Variants in GPC6 observed in about 807,000 individuals in gnomAD.
The protein encoded by GPC6 is glypican-6.
A neutral mutation model predicts 55.2 loss-of-function variants in GPC6; 14 were observed. The ratio of observed to expected loss-of-function variants is 0.25; its 90% CI spans 0.17 to 0.40. The LOEUF is 0.40. GPC6 is among the 10% of genes least tolerant of loss of function. The pLI is 1.00. For missense variants in GPC6, 641 were observed against 708.5 expected, an observed-to-expected ratio of 0.90 and a Z score of 1.08; for synonymous variants, 278 against 259.6, an observed-to-expected ratio of 1.07 and a Z score of -0.68.
chr13:93,551,696 G>A (rs1337670661), intron 2 of GPC6, among the ~76,000 whole-genome samples: 2 of 152,126 alleles, frequency 1.3e-5, no homozygotes, highest in Non-Finnish European at 2.9e-5. Context: ...GGTGGGGAAA[G>A]GAATGATTAT....
rs138205799 is a variant in GPC6 at position 93,282,238 on chromosome 13, T to C, written c.160+54622T>C. Among the ~76,000 whole-genome samples, 501 of 152,256 alleles carry C rather than the reference T, an allele frequency of 3.3e-3. 3 individuals carry two copies. Among genetic ancestry groups the C allele is most frequent in the African/African-American group, 0.011 (456 of 41,534 alleles). On this transcript the variant is annotated intron_variant, in intron 1 of 8. Coordinates refer to ENST00000377047, the MANE Select transcript of GPC6 (RefSeq NM_005708.5). ...TTTGAAAGCTTTGTGAAGTAGAAGGTGAAAGAAACAAAAATTCCTTTCCCT... is the reference window on the plus strand; with the variant it reads ...TTTGAAAGCTTTGTGAAGTAGAAGGCGAAAGAAACAAAAATTCCTTTCCCT...
In GPC6 at chr13:94,140,119, C is replaced by T. The variant is rs556490152; in HGVS notation, c.877+112225C>T. On this transcript the variant is annotated intron_variant, in intron 4 of 8. Transcript: ENST00000377047. ...TTTGAATGTTAAGAGTCTATTATAC[C>T]GAATAGTATATTACTTCAAGGAATT... 1.5e-4 allele frequency among the ~76,000 whole-genome samples: 23 copies of T among 150,694 alleles called. 1 individual carries two copies. Among genetic ancestry groups the T allele is most frequent in the African/African-American group, 5.4e-4 (22 of 40,982 alleles).
In GPC6 at chr13:93,596,313, G is replaced by T. The variant is rs564112688; in HGVS notation, c.319+50892G>T. ...AGAGGCACATAATATAGGATACAGA[G>T]CAAAGAAGGAATAAGGACCAAGGAG... On this transcript the variant is annotated intron_variant, in intron 2 of 8. Coordinates refer to ENST00000377047, the MANE Select transcript of GPC6 (RefSeq NM_005708.5). Among the ~76,000 whole-genome samples the T allele has an allele frequency of 2.0e-5, 3 of 152,156 alleles. No homozygotes were observed. In the South Asian group the frequency reaches 6.2e-4, roughly 32 times the overall value.
At chr13:93,861,098 C>T (rs1377422601) in intron 3 of GPC6, among the ~76,000 whole-genome samples, 2 of 150,922 alleles carry the variant, frequency 1.3e-5, no homozygotes, top group Non-Finnish European at 3.0e-5. Context: ...AGAGTAGATC[C>T]GTGTAAACCC....
chr13:93,259,330 G>A (rs1264247155), intron 1 of GPC6, among the ~76,000 whole-genome samples: 3 of 152,114 alleles, frequency 2.0e-5, no homozygotes, highest in Non-Finnish European at 4.4e-5. Context: ...GTGGAAGTGG[G>A]TGAGTCCTAA....
chr13:93,340,070 C>G (rs1390199286), intron 1 of GPC6, among the ~76,000 whole-genome samples: 2 of 114,032 alleles, frequency 1.8e-5, no homozygotes, highest in African/African-American at 3.3e-5. Context: ...GAGTCTTGCT[C>G]GGTCACCCAG....
intron 4 of GPC6, among the ~76,000 whole-genome samples, chr13:94,086,096 T>G (rs968448285): frequency 7.2e-5 from 11 of 152,186 alleles, no homozygotes; most frequent in Non-Finnish European, 1.2e-4. Context: ...GAGATTCAAA[T>G]AGAACTTTCT....
chr13:93,581,428 G>T (rs544133649), intron 2 of GPC6, among the ~76,000 whole-genome samples: 4 of 152,092 alleles, frequency 2.6e-5, no homozygotes, highest in African/African-American at 2.4e-5. Context: ...TAAAATCTCC[G>T]CCAGGTATTG....
At chr13:93,694,916 A>AT (rs928043270) in intron 2 of GPC6, among the ~76,000 whole-genome samples, 3 of 151,230 alleles carry the variant, frequency 2.0e-5, no homozygotes, top group Non-Finnish European at 4.4e-5. Context: ...TGAAATAATA[A>AT]AAAAAAAATC....
At chr13:93,434,552 G>A (rs1444044336) in intron 1 of GPC6, among the ~76,000 whole-genome samples, 1 of 152,100 alleles carries the variant, frequency 6.6e-6, no homozygotes, top group Non-Finnish European at 1.5e-5. Context: ...TGAGTAGTTG[G>A]GAAGAGTAAA....
chr13:94,389,392 GA>G (rs1181816442), intron 7 of GPC6, among the ~76,000 whole-genome samples: 1 of 152,140 alleles, frequency 6.6e-6, no homozygotes. Flanking sequence ...TAGGAGGCAG[GA>G]AAGCATAGGC....
At chr13:93,446,601 C>T (rs1435757342) in intron 1 of GPC6, among the ~76,000 whole-genome samples, 1 of 152,140 alleles carries the variant, frequency 6.6e-6, no homozygotes, top group Non-Finnish European at 1.5e-5. Context: ...ATGATGACTA[C>T]AACCCGTTTT....
At chr13:93,365,723 C>A (rs185737367) in intron 1 of GPC6, among the ~76,000 whole-genome samples, 57 of 152,148 alleles carry the variant, frequency 3.7e-4, no homozygotes, top group Non-Finnish European at 6.2e-4. Flanking sequence ...GGAAAGTGAT[C>A]TCTGAAGGAC....
chr13:93,659,133 A>G (rs1274042806), intron 2 of GPC6, among the ~76,000 whole-genome samples: 5 of 151,848 alleles, frequency 3.3e-5, no homozygotes, highest in Non-Finnish European at 7.4e-5. Context: ...GTAATTTGTC[A>G]TATTCGTTAG....
rs116909910 is a variant in GPC6, at chr13:93,726,069, G to T, written c.320-104085G>T. On this transcript the variant is annotated intron_variant, in intron 2 of 8. Coordinates refer to ENST00000377047, the MANE Select transcript of GPC6 (RefSeq NM_005708.5). ...ATTCACTTCATGGAGGACAACAAATGCAATCAGATGCAAAATAAAGACTTT... is the reference window on the plus strand; with the variant it reads ...ATTCACTTCATGGAGGACAACAAATTCAATCAGATGCAAAATAAAGACTTT... 1.7e-3 allele frequency among the ~76,000 whole-genome samples: 245 copies of T among 142,132 alleles called. 1 individual carries two copies. The highest frequency in any genetic ancestry group is 2.9e-3 in the Non-Finnish European group (189 of 65,786). The allele number at this position is 142,132 out of a possible 152,430, so 93.2% of individuals were successfully genotyped here.
At chr13:93,680,273 G>A (rs766840616) in intron 2 of GPC6, among the ~76,000 whole-genome samples, 2 of 152,080 alleles carry the variant, frequency 1.3e-5, no homozygotes, top group Non-Finnish European at 2.9e-5. Flanking sequence ...CCATCTACAA[G>A]CCAAGGAGAG....
chr13:93,719,542 G>A (rs1883376838), intron 2 of GPC6, among the ~76,000 whole-genome samples: 1 of 152,140 alleles, frequency 6.6e-6, no homozygotes, highest in Non-Finnish European at 1.5e-5. Flanking sequence ...GAGATAATTT[G>A]AGTTCCTCTC....
At chr13:94,213,429 G>A (rs1041260148) in intron 4 of GPC6, among the ~76,000 whole-genome samples, 2 of 152,170 alleles carry the variant, frequency 1.3e-5, no homozygotes, top group Admixed American at 6.5e-5. Context: ...ACATAACAAA[G>A]TACTCCAAAC....
chr13:93,986,201 A>G (rs964821261), intron 3 of GPC6, among the ~76,000 whole-genome samples: 10 of 152,162 alleles, frequency 6.6e-5, no homozygotes, highest in East Asian at 3.9e-4. Context: ...AATTTAATGC[A>G]CGTAACAACC....
Sources: gnomAD v4.1 joint callset for allele counts (sites outside exome capture counted in the v4.1 genomes callset) on GRCh38, gnomAD v4.1.1 for gene constraint, MANE v1.5 for transcripts, NCBI Gene and HGNC (gene_info 2026-07-23, HGNC 2026-07-21) for gene names.